RACGAP1: variants seen among roughly 807,000 people sequenced by gnomAD.
The protein encoded by RACGAP1 is Rac GTPase activating protein 1.
RACGAP1 carries 30 observed loss-of-function variants against 78.1 expected under a neutral mutation model. The ratio of observed to expected loss-of-function variants is 0.38; its 90% CI spans 0.29 to 0.52. The LOEUF is 0.52. Among genes scored for constraint, RACGAP1 ranks in the 20% least tolerant of loss-of-function variants. RACGAP1 has a pLI of 0.82. For missense variants in RACGAP1, 587 were observed against 777.1 expected, an observed-to-expected ratio of 0.76 and a Z score of 2.91; for synonymous variants, 231 against 264.8, an observed-to-expected ratio of 0.87 and a Z score of 1.24.
chr12:49,993,559 G>T (rs965873948), intron 12 of RACGAP1, among the ~76,000 whole-genome samples: 1 of 152,134 alleles, frequency 6.6e-6, no homozygotes, highest in Non-Finnish European at 1.5e-5. Context: ...GGACAAGGTG[G>T]GTAGATCACC....
At chr12:50,025,372 C>T (rs1194026767) in intron 1 of RACGAP1, 26 bp downstream of exon 1, 16 of 985,692 alleles carry the variant, frequency 1.6e-5, no homozygotes, top group Non-Finnish European at 1.8e-5. Context: ...GGCAGACGCA[C>T]CTGGTCTGGC....
chr12:50,005,258 T>A lies in RACGAP1; in HGVS notation c.423A>T (p.Lys141Asn). Reference protein sequence around the residue: ...GQPSSSNAGNKRLSTIDESGS... With the variant: ...GQPSSSNAGNNRLSTIDESGS... ...AACAACAGATGCAGTTCCTCCACCT[T>A]TTGTTCCCAGCATTGCTGCTGGATG... The change falls in exon 4 of 17, where the codon AAA (lysine) becomes AAT (asparagine). Residue 141 changes from lysine (K) to asparagine (N), a missense_variant and splice_region_variant. Lys to Asn is a moderately conservative substitution (Grantham distance 94, BLOSUM62 0). Coordinates refer to ENST00000312377, the MANE Select transcript of RACGAP1 (RefSeq NM_001319999.2). 1 of 1,614,060 alleles carries A rather than the reference T, an allele frequency of 6.2e-7. No homozygotes were observed. Among genetic ancestry groups the A allele is most frequent in the Non-Finnish European group, 8.5e-7 (1 of 1,179,976 alleles).
intron 2 of RACGAP1, among the ~76,000 whole-genome samples, chr12:50,009,171 A>G (rs1449668269): frequency 6.8e-6 from 1 of 146,016 alleles, no homozygotes; most frequent in Non-Finnish European, 1.5e-5. Context: ...CTACTCGAGG[A>G]GGCAGAAGTC....
upstream of RACGAP1, among the ~76,000 whole-genome samples, chr12:50,027,702 T>A (rs1347315167): frequency 1.8e-4 from 27 of 152,142 alleles, no homozygotes; most frequent in Non-Finnish European, 2.9e-5. Context: ...GGCAGACGCC[T>A]GTAATCCCAG....
At chr12:50,004,169 A>G in intron 5 of RACGAP1, 66 bp downstream of exon 5, 3 of 1,564,924 alleles carry the variant, frequency 1.9e-6, no homozygotes, top group Non-Finnish European at 2.6e-6. Context: ...AGAAGACAGG[A>G]GAGATATTCC....
intron 7 of RACGAP1, 70 bp from the exon 8 acceptor site, chr12:49,999,803 G>T (rs1406003188): frequency 3.2e-6 from 4 of 1,251,682 alleles, no homozygotes; most frequent in Non-Finnish European, 3.5e-6. Flanking sequence ...AGGGTATTTT[G>T]GAGCAGGTAA....
intron 10 of RACGAP1, among the ~76,000 whole-genome samples, chr12:49,996,628 TAAAAAAAAAAAAAAAAA>T (rs57512055): frequency 0.021 from 396 of 18,982 alleles, 5 homozygotes; most frequent in Non-Finnish European, 0.028. Context: ...GCAATAGAGC[TAAAAAAAAAAAAAAAAA>T]AAAAAAAAAA....
intron 2 of RACGAP1, among the ~76,000 whole-genome samples, chr12:50,011,157 T>C (rs1195172401): frequency 1.3e-5 from 2 of 148,824 alleles, no homozygotes; most frequent in African/African-American, 5.0e-5. Flanking sequence ...GCCAACATGG[T>C]GAAACATCGC....
At chr12:50,006,336 GGAA>G (rs2137447000) in intron 3 of RACGAP1, 95 bp downstream of exon 3, 3 of 1,331,754 alleles carry the variant, frequency 2.3e-6, no homozygotes, top group East Asian at 4.6e-5. Flanking sequence ...TCTTTAATGT[GGAA>G]GAAGAAACTA....
At chr12:49,993,496 G>A (rs779812354) in intron 12 of RACGAP1, among the ~76,000 whole-genome samples, 2 of 152,194 alleles carry the variant, frequency 1.3e-5, no homozygotes, top group Admixed American at 6.5e-5. Flanking sequence ...CTAATAAAAA[G>A]AGGAAGGTGG....
In RACGAP1 at chr12:50,025,298, T is replaced by C. The variant is rs905898336; in HGVS notation, c.-5+100A>G. 5 of 985,390 alleles carry C rather than the reference T, an allele frequency of 5.1e-6. No individual in the cohort carries two copies. In the African/African-American group the frequency reaches 8.7e-5, roughly 17 times the overall value. 61.0% of individuals were successfully genotyped at this position (985,390 alleles called of 1,614,324 possible). A position where few individuals can be genotyped will look rare whatever the true frequency, so the allele number is the denominator to read the frequency against. On this transcript the variant is annotated intron_variant, in intron 1 of 16. Transcript: ENST00000312377. ...GCCAGCCTGTCCCGCTGTCCCGCTG[T>C]CCCGGACCCCCGCGGCGGCCACGGC...
rs373896592 is a variant in RACGAP1, at chr12:49,991,696, C to T, written c.1714+302G>A. 9.3e-4 allele frequency among the ~76,000 whole-genome samples: 141 copies of T among 150,880 alleles called. 1 individual carries two copies. The highest frequency in any genetic ancestry group is 3.4e-3 in the African/African-American group (138 of 41,174). On this transcript the variant is annotated intron_variant, in intron 15 of 16. Transcript: ENST00000312377. ...TAGAGATGGGGTTTCACCATGTTGG[C>T]CAGAATGGTCTCAATCCCCTGACCT...
chr12:50,001,232 A>T lies in RACGAP1; in HGVS notation c.570T>A (p.Phe190Leu). The change falls in exon 7 of 17, where the codon TTT becomes TTA. Residue 190 changes from phenylalanine to leucine, a missense_variant. By Grantham distance (22) the Phe-to-Leu change is conservative. Coordinates refer to ENST00000312377, the MANE Select transcript of RACGAP1 (RefSeq NM_001319999.2). ...TTACAGGTCCAGGGGGACCATCAAC[A>T]AACTGTCGGCTAGTAGAGCGCTAGA... ...REKRRSTSRQ[F>L]VDGPPGPVKK... 1 of 1,611,220 alleles carries T rather than the reference A, an allele frequency of 6.2e-7. No homozygotes were observed. The highest frequency in any genetic ancestry group is 8.5e-7 in the Non-Finnish European group (1 of 1,177,396).
chr12:49,999,001 T>C, intron 9 of RACGAP1, 140 bp downstream of exon 9: 1 of 1,048,618 alleles, frequency 9.5e-7, no homozygotes, highest in African/African-American at 1.6e-5. Flanking sequence ...TAACCAATAG[T>C]TACTTCTGGA....
At position 49,994,123 on chromosome 12, in the gene RACGAP1, G is replaced by A; in HGVS notation, c.1339+8C>T. ...GAATTCATATTCAAGTATTACATCT[G>A]CCCTTACCTGCTGCTTCCATAAAGG... is the stretch of plus-strand genomic sequence containing the variant. On this transcript the variant is annotated splice_region_variant and intron_variant, in intron 12 of 16. Coordinates refer to ENST00000312377, the MANE Select transcript of RACGAP1 (RefSeq NM_001319999.2). 6.2e-7 allele frequency: 1 copy of A among 1,605,438 alleles called. No individual in the cohort carries two copies.
chr12:50,011,823 G>A (rs1235526061), intron 2 of RACGAP1, among the ~76,000 whole-genome samples: 2 of 151,142 alleles, frequency 1.3e-5, no homozygotes, highest in Non-Finnish European at 3.0e-5. Context: ...GCGTGGTGGC[G>A]GGCGCCTATA....
intron 2 of RACGAP1, among the ~76,000 whole-genome samples, chr12:50,015,751 G>A (rs1025104536): frequency 2.6e-5 from 4 of 151,532 alleles, no homozygotes; most frequent in South Asian, 2.1e-4. Flanking sequence ...GCAGTGAGCC[G>A]AGATCGCACC....
intron 4 of RACGAP1, 25 bp from the exon 5 acceptor site, chr12:50,004,329 T>C: frequency 6.4e-7 from 1 of 1,573,886 alleles, no homozygotes. Flanking sequence ...CAATACAACG[T>C]TAGACATGGT....
At chr12:50,025,215 T>G in intron 1 of RACGAP1, 183 bp downstream of exon 1, 3 of 757,700 alleles carry the variant, frequency 4.0e-6, no homozygotes, top group Non-Finnish European at 4.8e-6. Context: ...CCAGGCCGCG[T>G]CCATTCGACC....
Sources: allele counts gnomAD v4.1 joint callset (sites outside exome capture counted in the v4.1 genomes callset), GRCh38; gene constraint gnomAD v4.1.1; transcripts MANE v1.5; gene names NCBI Gene and HGNC (gene_info 2026-07-23, HGNC 2026-07-21).